The following ASB3 variants were observed in gnomAD, a reference collection of about 807,000 sequenced individuals.
The protein encoded by ASB3 is ankyrin repeat and SOCS box protein 3.
In ASB3, 41 loss-of-function variants were observed where a neutral mutation model predicts 54.5. That is an observed-to-expected ratio of 0.75 (90% CI 0.59 to 0.98). ASB3 has a LOEUF of 0.98. ASB3 is among the 50% of genes least tolerant of loss of function. ASB3 has a pLI of 0.00. For synonymous variants in ASB3, 266 were observed against 221.2 expected (o/e 1.20, Z -1.80); for missense variants, 733 against 620.0 (o/e 1.18, Z -1.94).
intron 5 of ASB3, among the ~76,000 whole-genome samples, chr2:53,724,273 C>G (rs988407486): frequency 6.6e-5 from 10 of 151,050 alleles, no homozygotes; most frequent in Admixed American, 2.6e-4. Flanking sequence ...GGAACTTAAA[C>G]AATTCAACAA....
At chr2:53,715,237 C>T (rs1037690584) in intron 6 of ASB3, among the ~76,000 whole-genome samples, 2 of 152,082 alleles carry the variant, frequency 1.3e-5, no homozygotes, top group Admixed American at 1.3e-4. Context: ...TGTAAACTTA[C>T]CTCTAGCAGT....
At chr2:53,716,330 A>G (rs1474018553) in intron 6 of ASB3, among the ~76,000 whole-genome samples, 1 of 152,166 alleles carries the variant, frequency 6.6e-6, no homozygotes, top group Non-Finnish European at 1.5e-5. Flanking sequence ...ACACCCCGAG[A>G]AAGTCCCTGA....
chr2:53,747,418 G>C (rs1048841707), intron 3 of ASB3, among the ~76,000 whole-genome samples: 3 of 151,972 alleles, frequency 2.0e-5, no homozygotes, highest in Admixed American at 1.3e-4. Flanking sequence ...TGGTGGCGGG[G>C]GCTTGTAATC....
chr2:53,720,671 T>C (rs911763871), intron 5 of ASB3, among the ~76,000 whole-genome samples: 1 of 152,134 alleles, frequency 6.6e-6, no homozygotes. Flanking sequence ...ATTAGACAGA[T>C]CACTGAGGCA....
chr2:53,730,895 T>C (rs1346279139), intron 3 of ASB3, among the ~76,000 whole-genome samples: 1 of 152,106 alleles, frequency 6.6e-6, no homozygotes, highest in African/African-American at 2.4e-5. Context: ...AGTCACAAAA[T>C]TAGAAAGGCA....
At chr2:53,716,539 T>C (rs1670404624) in intron 6 of ASB3, 27 bp downstream of exon 6, 4 of 1,600,236 alleles carry the variant, frequency 2.5e-6, no homozygotes, top group Non-Finnish European at 3.4e-6. Flanking sequence ...TAAGAGACCA[T>C]GTTTATTTTC....
At chr2:53,740,092 C>T (rs572302923) in intron 3 of ASB3, among the ~76,000 whole-genome samples, 1 of 152,186 alleles carries the variant, frequency 6.6e-6, no homozygotes, top group Non-Finnish European at 1.5e-5. Flanking sequence ...TAGCAGCAGG[C>T]TGGCTGGCTA....
chr2:53,700,176 T>C (rs75286489), intron 8 of ASB3, 95 bp downstream of exon 8: 95 of 1,522,292 alleles, frequency 6.2e-5, no homozygotes, highest in Middle Eastern at 1.8e-4. Context: ...AAAACACAGA[T>C]ACCCTTCTCC....
chr2:53,743,269 T>G (rs1237314627), intron 3 of ASB3, among the ~76,000 whole-genome samples: 154 of 151,566 alleles, frequency 1.0e-3, no homozygotes, highest in Non-Finnish European at 1.0e-4. Flanking sequence ...CTTCCCAAAG[T>G]GCTGGGAATA....
chr2:53,777,231 A>G (rs563058799), intron 1 of ASB3, among the ~76,000 whole-genome samples: 1 of 152,164 alleles, frequency 6.6e-6, no homozygotes, highest in South Asian at 2.1e-4. Flanking sequence ...TCACTTCCTT[A>G]TCAACTCGTC....
intron 7 of ASB3, among the ~76,000 whole-genome samples, chr2:53,703,446 C>G (rs1669600063): frequency 1.3e-5 from 2 of 152,070 alleles, no homozygotes; most frequent in Admixed American, 6.5e-5. Flanking sequence ...GTTGAATTAG[C>G]TGAAAAAATA....
At chr2:53,773,133 TTTA>T (rs1253786154) in intron 1 of ASB3, among the ~76,000 whole-genome samples, 1 of 152,162 alleles carries the variant, frequency 6.6e-6, no homozygotes, top group Non-Finnish European at 1.5e-5. Context: ...ACGAAAAGCA[TTTA>T]TAAAAAAGAT....
intron 3 of ASB3, among the ~76,000 whole-genome samples, chr2:53,734,074 C>G (rs1418342062): frequency 6.6e-6 from 1 of 152,292 alleles, no homozygotes; most frequent in East Asian, 1.9e-4. Flanking sequence ...CTGGGTGGGC[C>G]AGGTGTCCCT....
intron 7 of ASB3, among the ~76,000 whole-genome samples, chr2:53,709,941 G>A (rs909531008): frequency 4.6e-5 from 7 of 152,188 alleles, no homozygotes; most frequent in Non-Finnish European, 8.8e-5. Flanking sequence ...TACTGCAGCC[G>A]TCCTGTGGGG....
At chr2:53,734,014 G>A (rs557295212) in intron 3 of ASB3, among the ~76,000 whole-genome samples, 2 of 152,200 alleles carry the variant, frequency 1.3e-5, no homozygotes, top group East Asian at 1.9e-4. Context: ...GGCACAGATC[G>A]GTCACGCTAT....
chr2:53,742,206 G>A (rs1162705932), intron 3 of ASB3, among the ~76,000 whole-genome samples: 1 of 152,184 alleles, frequency 6.6e-6, no homozygotes, highest in Non-Finnish European at 1.5e-5. Flanking sequence ...CCAATGGCTA[G>A]TGAAAGATAC....
intron 1 of ASB3, among the ~76,000 whole-genome samples, chr2:53,780,042 C>G (rs997379025): frequency 6.6e-6 from 1 of 152,174 alleles, no homozygotes; most frequent in African/African-American, 2.4e-5. Context: ...ACATCAAGAG[C>G]CAGAGTTTCT....
At chr2:53,775,541 C>G (rs939216051) in intron 1 of ASB3, among the ~76,000 whole-genome samples, 2 of 152,164 alleles carry the variant, frequency 1.3e-5, no homozygotes, top group Non-Finnish European at 2.9e-5. Context: ...GTGGTGCCAA[C>G]CTCAGCTCAC....
At chr2:53,714,622 T>A (rs73934979) in intron 6 of ASB3, 41 bp from the exon 7 acceptor site, 2 of 1,583,168 alleles carry the variant, frequency 1.3e-6, no homozygotes, top group Non-Finnish European at 1.7e-6. Context: ...TGTTTGTATA[T>A]GTGCATAAAT....
Sources: allele counts gnomAD v4.1 joint callset (sites outside exome capture counted in the v4.1 genomes callset), GRCh38; gene constraint gnomAD v4.1.1; transcripts MANE v1.5; gene names NCBI Gene and HGNC (gene_info 2026-07-23, HGNC 2026-07-21).